Variants in CDH18 observed in about 807,000 individuals in gnomAD.
CDH18 encodes the protein cadherin-18.
In CDH18, 31 loss-of-function variants were observed where a neutral mutation model predicts 67.9. The observed-to-expected ratio is 0.46, with a 90% confidence interval of 0.34 to 0.62. CDH18 has a LOEUF of 0.62. CDH18 is among the 20% of genes least tolerant of loss of function. The pLI is 0.01. For synonymous variants in CDH18, 362 were observed against 347.2 expected (o/e 1.04, Z -0.48); for missense variants, 890 against 975.5 (o/e 0.91, Z 1.17).
Position 20,172,226 on chromosome 5 carries a change from A to G in CDH18, c.-518+83218T>C, listed in dbSNP as rs201286325. Among the ~76,000 whole-genome samples the G allele has an allele frequency of 1.3e-3, 137 of 105,820 alleles. 4 individuals carry two copies. Among genetic ancestry groups the G allele is most frequent in the Middle Eastern group, 4.9e-3 (1 of 206 alleles). The allele number at this position is 105,820 out of a possible 152,430, so 69.4% of individuals were successfully genotyped here. A position where few individuals can be genotyped will look rare whatever the true frequency, so the allele number is the denominator to read the frequency against. ...TATATATATATATATATATATATGT[A>G]TATATATATATATGTATATATATAT... On this transcript the variant is annotated intron_variant, in intron 2 of 14. Transcript: ENST00000507958.
intron 2 of CDH18, among the ~76,000 whole-genome samples, chr5:20,236,141 G>A: frequency 6.6e-6 from 1 of 151,930 alleles, no homozygotes; most frequent in East Asian, 1.9e-4. Context: ...CTACCTGGGT[G>A]ACAGAATTAT....
chr5:20,458,863 T>G (rs967121758), intron 1 of CDH18, among the ~76,000 whole-genome samples: 6 of 152,156 alleles, frequency 3.9e-5, no homozygotes, highest in Admixed American at 2.6e-4. Context: ...TTTTAAAAAG[T>G]GAAGTATAAT....
At chr5:20,001,591 C>T (rs1428567222) in intron 2 of CDH18, among the ~76,000 whole-genome samples, 3 of 152,126 alleles carry the variant, frequency 2.0e-5, no homozygotes, top group African/African-American at 7.2e-5. Context: ...TAATTTGGGA[C>T]TCTAGGAAGA....
chr5:19,752,838 A>G (rs747647768), intron 3 of CDH18, among the ~76,000 whole-genome samples: 5 of 152,288 alleles, frequency 3.3e-5, no homozygotes, highest in Admixed American at 6.5e-5. Flanking sequence ...AGACCCACAG[A>G]CGGTTCACAT....
intron 2 of CDH18, among the ~76,000 whole-genome samples, chr5:20,068,328 A>AT (rs1162081817): frequency 6.6e-6 from 1 of 152,138 alleles, no homozygotes; most frequent in African/African-American, 2.4e-5. Context: ...ACAATGAAAT[A>AT]AAGAACAGAA....
chr5:20,264,847 T>G (rs550769908), intron 1 of CDH18, among the ~76,000 whole-genome samples: 1 of 152,224 alleles, frequency 6.6e-6, no homozygotes, highest in South Asian at 2.1e-4. Flanking sequence ...AGCAGGAAAG[T>G]GAGCTAAGAT....
chr5:19,587,278 C>G (rs1304419045), intron 7 of CDH18, among the ~76,000 whole-genome samples: 1 of 152,092 alleles, frequency 6.6e-6, no homozygotes, highest in Non-Finnish European at 1.5e-5. Context: ...CCTGCAATTA[C>G]TTTTGCATCA....
At chr5:20,522,351 C>T (rs1189067395) in intron 1 of CDH18, among the ~76,000 whole-genome samples, 2 of 152,150 alleles carry the variant, frequency 1.3e-5, no homozygotes, top group East Asian at 1.9e-4. Flanking sequence ...ACCATGTCTC[C>T]TACTCCTTTT....
chr5:20,353,188 C>T (rs1268032970), intron 1 of CDH18, among the ~76,000 whole-genome samples: 2 of 152,080 alleles, frequency 1.3e-5, no homozygotes, highest in East Asian at 1.9e-4. Flanking sequence ...CTCCACTTTG[C>T]TTTTCAATTC....
At chr5:19,622,915 A>G (rs1750936817) in intron 5 of CDH18, among the ~76,000 whole-genome samples, 1 of 152,180 alleles carries the variant, frequency 6.6e-6, no homozygotes, top group African/African-American at 2.4e-5. Flanking sequence ...GGCTTCCAAA[A>G]TTCTTGTTTT....
intron 2 of CDH18, among the ~76,000 whole-genome samples, chr5:20,238,504 A>G (rs1742644491): frequency 6.6e-6 from 1 of 152,144 alleles, no homozygotes; most frequent in African/African-American, 2.4e-5. Flanking sequence ...AACTGCAACG[A>G]GATACTTTTA....
chr5:20,081,927 C>T (rs906935254), intron 2 of CDH18, among the ~76,000 whole-genome samples: 7 of 152,082 alleles, frequency 4.6e-5, no homozygotes, highest in Admixed American at 3.9e-4. Flanking sequence ...TGAACATGTA[C>T]CCCTGAACCT....
chr5:20,155,275 T>C (rs1451587562), intron 2 of CDH18, among the ~76,000 whole-genome samples: 1 of 152,168 alleles, frequency 6.6e-6, no homozygotes, highest in Non-Finnish European at 1.5e-5. Flanking sequence ...GCTTTCTATT[T>C]TATCCTCTCA....
intron 2 of CDH18, among the ~76,000 whole-genome samples, chr5:19,974,190 G>A (rs1798283850): frequency 6.6e-6 from 1 of 151,980 alleles, no homozygotes; most frequent in Non-Finnish European, 1.5e-5. Flanking sequence ...GTACAAATGG[G>A]ATCATTTACT....
intron 3 of CDH18, among the ~76,000 whole-genome samples, chr5:19,764,637 A>T (rs2149715950): frequency 6.6e-6 from 1 of 151,096 alleles, no homozygotes; most frequent in African/African-American, 2.4e-5. Flanking sequence ...ATATATATAT[A>T]TATATATATA....
chr5:19,644,023 T>C (rs998873817), intron 5 of CDH18, among the ~76,000 whole-genome samples: 1 of 151,880 alleles, frequency 6.6e-6, no homozygotes, highest in Admixed American at 6.6e-5. Flanking sequence ...TGCCTCTCCT[T>C]CTCACTTCAC....
intron 1 of CDH18, among the ~76,000 whole-genome samples, chr5:20,512,674 A>G (rs1755115639): frequency 6.6e-6 from 1 of 152,072 alleles, no homozygotes; most frequent in African/African-American, 2.4e-5. Flanking sequence ...ACTTGAGGTT[A>G]GGAGTTCGAG....
intron 5 of CDH18, among the ~76,000 whole-genome samples, chr5:19,719,978 A>G (rs1765868393): frequency 6.6e-6 from 1 of 151,952 alleles, no homozygotes; most frequent in African/African-American, 2.4e-5. Context: ...TTAAGCAAGT[A>G]TGTCTGAGAT....
intron 1 of CDH18, among the ~76,000 whole-genome samples, chr5:20,272,752 C>T (rs1240834365): frequency 6.6e-6 from 1 of 151,946 alleles, no homozygotes; most frequent in African/African-American, 2.4e-5. Context: ...AATGTATATT[C>T]TGTACCTCAG....
Sources: allele counts gnomAD v4.1 joint callset (sites outside exome capture counted in the v4.1 genomes callset), GRCh38; gene constraint gnomAD v4.1.1; transcripts MANE v1.5; gene names NCBI Gene and HGNC (gene_info 2026-07-23, HGNC 2026-07-21).